The following CADM2 variants were observed in gnomAD, a reference collection of about 807,000 sequenced individuals.
CADM2 encodes immunoglobulin superfamily member 4D.
CADM2 carries 12 observed loss-of-function variants against 49.8 expected under a neutral mutation model. That is an observed-to-expected ratio of 0.24 (90% confidence interval 0.15 to 0.39). The LOEUF (loss-of-function observed/expected upper bound fraction) is 0.39. Ranked by LOEUF, CADM2 falls within the 10% of genes least tolerant of loss-of-function variation. CADM2 has a pLI of 1.00. For missense variants in CADM2, 378 were observed against 492.3 expected, an observed-to-expected ratio of 0.77 and a Z score of 2.20; for synonymous variants, 214 against 175.4, an observed-to-expected ratio of 1.22 and a Z score of -1.74.
intron 1 of CADM2, among the ~76,000 whole-genome samples, chr3:85,709,093 A>G (rs1451618675): frequency 6.6e-6 from 1 of 152,082 alleles, no homozygotes; most frequent in African/African-American, 2.4e-5. Flanking sequence ...CGTTAGTGAA[A>G]ATTTAGGTCC....
intron 1 of CADM2, among the ~76,000 whole-genome samples, chr3:85,550,561 G>A (rs17458504): frequency 0.51 from 76,820 of 152,016 alleles, 22,780 homozygotes; most frequent in East Asian, 0.85. Context: ...ACTGATGTAG[G>A]TAACACAAAC....
At chr3:85,551,966 G>C (rs1033641378) in intron 1 of CADM2, among the ~76,000 whole-genome samples, 5 of 151,750 alleles carry the variant, frequency 3.3e-5, no homozygotes, top group Non-Finnish European at 1.5e-5. Context: ...AAATATTTTT[G>C]TGATTATATA....
In CADM2 at chr3:85,734,771, T is replaced by C. The variant is rs780559270; in HGVS notation, c.88+8223T>C. 3.0e-4 allele frequency among the ~76,000 whole-genome samples: 44 copies of C among 148,770 alleles called. 1 individual carries two copies. The highest frequency in any genetic ancestry group is 4.5e-4 in the Non-Finnish European group (30 of 67,342). ...ACATATATGTATATATACATATACA[T>C]AACTCACCATATGTCTCTTTCTTTT... On this transcript the variant is annotated intron_variant, in intron 2 of 9. Transcript: ENST00000383699.
At chr3:85,701,837 T>A (rs1206519400) in intron 1 of CADM2, among the ~76,000 whole-genome samples, 3 of 151,678 alleles carry the variant, frequency 2.0e-5, no homozygotes, top group Non-Finnish European at 4.4e-5. Context: ...TGGTATAAAT[T>A]GGTAAATGTG....
At position 85,259,748 on chromosome 3, in the gene CADM2, A is replaced by T. The variant is rs941606392; in HGVS notation, c.61+300080A>T. Among the ~76,000 whole-genome samples the T allele has an allele frequency of 5.3e-5, 8 of 152,104 alleles. No individual in the cohort carries two copies. In the East Asian group the frequency reaches 1.5e-3, roughly 29 times the overall value. ...CATTTAGATACAGAATTTCAAATCAAAGTGTTTCTTTGGCTTGAATGATAT... is the reference window on the plus strand; with the variant it reads ...CATTTAGATACAGAATTTCAAATCATAGTGTTTCTTTGGCTTGAATGATAT... On this transcript the variant is annotated intron_variant, in intron 1 of 9. Transcript: ENST00000383699.
chr3:85,883,236 A>C, intron 3 of CADM2, 55 bp from the exon 4 acceptor site: 1 of 1,443,324 alleles, frequency 6.9e-7, no homozygotes, highest in East Asian at 2.3e-5. Flanking sequence ...ATAGTCTAAA[A>C]ATACTGACTG....
intron 1 of CADM2, among the ~76,000 whole-genome samples, chr3:85,558,919 G>A (rs566410179): frequency 1.3e-5 from 2 of 152,058 alleles, no homozygotes; most frequent in Non-Finnish European, 2.9e-5. Flanking sequence ...TGCCAAAAAC[G>A]GATTTTCTTC....
intron 3 of CADM2, among the ~76,000 whole-genome samples, chr3:85,881,392 CTT>C (rs1025195990): frequency 6.6e-6 from 1 of 151,898 alleles, no homozygotes; most frequent in Non-Finnish European, 1.5e-5. Context: ...GTATAGGCAT[CTT>C]TTATTTTTTC....
intron 1 of CADM2, among the ~76,000 whole-genome samples, chr3:85,438,172 A>G (rs2037020640): frequency 1.3e-5 from 2 of 152,234 alleles, no homozygotes; most frequent in African/African-American, 4.8e-5. Context: ...TAATCACTAA[A>G]AATCTATCCA....
intron 1 of CADM2, among the ~76,000 whole-genome samples, chr3:85,476,897 AACACACACAC>A (rs35319709): frequency 6.8e-5 from 10 of 146,016 alleles, no homozygotes; most frequent in Admixed American, 2.7e-4. Context: ...AAAGATTTTA[AACACACACAC>A]ACACACACAC....
chr3:85,281,857 A>G (rs1437085154), intron 1 of CADM2, among the ~76,000 whole-genome samples: 3 of 152,064 alleles, frequency 2.0e-5, no homozygotes, highest in Non-Finnish European at 4.4e-5. Context: ...AAATTATCAG[A>G]CTGTGAAACT....
chr3:86,013,340 A>G (rs1250235904), intron 8 of CADM2: 3 of 1,542,368 alleles, frequency 1.9e-6, no homozygotes, highest in Non-Finnish European at 2.7e-6. Flanking sequence ...AATACCTAAA[A>G]TCTCTATTTG....
intron 1 of CADM2, among the ~76,000 whole-genome samples, chr3:85,592,410 C>T (rs1041788866): frequency 1.3e-5 from 2 of 151,924 alleles, no homozygotes; most frequent in Non-Finnish European, 2.9e-5. Flanking sequence ...CTCCTTAACA[C>T]CAAATTCTAC....
Position 85,841,629 on chromosome 3 carries a change from G to T in CADM2, c.238+39433G>T, listed in dbSNP as rs145803242. On this transcript the variant is annotated intron_variant, in intron 3 of 9. Transcript: ENST00000383699. ...TTCTACCCAACCAATCCAGGTTTGT[G>T]GCTGTTGGGGTGGACGAGTAGTGGA... Among the ~76,000 whole-genome samples the T allele has an allele frequency of 7.1e-3, 1,073 of 152,018 alleles. 15 individuals are homozygous for T. Among genetic ancestry groups the T allele is most frequent in the African/African-American group, 0.023 (946 of 41,458 alleles).
chr3:85,464,036 G>T (rs991593410), intron 1 of CADM2, among the ~76,000 whole-genome samples: 1 of 152,054 alleles, frequency 6.6e-6, no homozygotes, highest in Admixed American at 6.6e-5. Context: ...TTCTCTCCAT[G>T]ATGCAGTATG....
intron 1 of CADM2, among the ~76,000 whole-genome samples, chr3:85,252,416 CA>C (rs1488530665): frequency 6.6e-6 from 1 of 151,792 alleles, no homozygotes; most frequent in Non-Finnish European, 1.5e-5. Flanking sequence ...CTGGATAAGT[CA>C]CATGTTCTAG....
chr3:85,616,241 C>T (rs1304887075), intron 1 of CADM2, among the ~76,000 whole-genome samples: 1 of 142,744 alleles, frequency 7.0e-6, no homozygotes, highest in African/African-American at 2.5e-5. Flanking sequence ...CAAGTTTCTG[C>T]CTTTTAATCA....
intron 2 of CADM2, among the ~76,000 whole-genome samples, chr3:85,796,105 T>A (rs1223013387): frequency 6.6e-6 from 1 of 152,190 alleles, no homozygotes; most frequent in Non-Finnish European, 1.5e-5. Flanking sequence ...ACAGTCTTAT[T>A]TATGTACTGG....
intron 1 of CADM2, among the ~76,000 whole-genome samples, chr3:85,472,563 A>G (rs1428737322): frequency 9.2e-5 from 14 of 152,066 alleles, no homozygotes. Context: ...TTATAAATCT[A>G]AATGTGAAAA....
Sources: allele counts gnomAD v4.1 joint callset (sites outside exome capture counted in the v4.1 genomes callset), GRCh38; gene constraint gnomAD v4.1.1; transcripts MANE v1.5; gene names NCBI Gene and HGNC (gene_info 2026-07-23, HGNC 2026-07-21).